USP24: variants seen among roughly 807,000 people sequenced by gnomAD.
USP24 encodes the protein ubiquitin specific peptidase 24.
Under a neutral mutation model 361.6 loss-of-function variants are expected in USP24, and 97 were observed. The observed-to-expected ratio is 0.27, with a 90% CI of 0.23 to 0.32. USP24 has a LOEUF of 0.32. USP24 is among the 10% of genes least tolerant of loss of function. The pLI, the probability that USP24 is intolerant of heterozygous loss-of-function variation, is 1.00. For synonymous variants in USP24, 1,098 were observed against 1,124.6 expected (o/e 0.98, Z 0.47); for missense variants, 2,353 against 3,165.6 (o/e 0.74, Z 6.16).
chr1:55,096,973 T>A lies in USP24; in HGVS notation c.5915A>T (p.Tyr1972Phe). The change falls in exon 49 of 68, where the codon TAT (tyrosine) becomes TTT (phenylalanine). Residue 1972 changes from tyrosine (Y) to phenylalanine (F), a missense_variant. Tyr to Phe is a conservative substitution (Grantham distance 22). Transcript: ENST00000294383. ...HSGQAHAGHY[Y>F]SFIKDRRGCG... is the part of the protein sequence containing the mutation. ...TTACCGCCTGTCCTTAATGAAGGAA[T>A]AGTAGTGGCCTGCGTGTGCCTGCCC... The A allele has an allele frequency of 6.2e-7, 1 of 1,613,760 alleles. No individual in the cohort carries two copies. The highest frequency in any genetic ancestry group is 8.5e-7 in the Non-Finnish European group (1 of 1,179,802).
chr1:55,156,237 T>C (rs771761984), intron 12 of USP24, among the ~76,000 whole-genome samples: 5 of 152,160 alleles, frequency 3.3e-5, no homozygotes, highest in African/African-American at 4.8e-5. Flanking sequence ...TATTTAGATA[T>C]ACTGCATTGG....
intron 63 of USP24, among the ~76,000 whole-genome samples, chr1:55,074,827 T>C (rs1165280): frequency 0.86 from 131,372 of 152,078 alleles, 56,842 homozygotes; most frequent in East Asian, 1. Context: ...CTTAAATCTT[T>C]TTTCTACAAC....
At chr1:55,185,460 A>C (rs898682087) in intron 1 of USP24, among the ~76,000 whole-genome samples, 1 of 152,020 alleles carries the variant, frequency 6.6e-6, no homozygotes, top group African/African-American at 2.4e-5. Context: ...TCTTTGAAAA[A>C]ATTTAAAAAA....
chr1:55,180,151 CAT>C (rs1218581966), intron 1 of USP24, among the ~76,000 whole-genome samples: 1 of 152,174 alleles, frequency 6.6e-6, no homozygotes, highest in Non-Finnish European at 1.5e-5. Context: ...TCTGGCCCCA[CAT>C]ACTCTTCCAG....
chr1:55,172,873 T>C (rs1475701), intron 3 of USP24, among the ~76,000 whole-genome samples: 8,986 of 152,256 alleles, frequency 0.059, 349 homozygotes, highest in African/African-American at 0.11. Context: ...CTGTGTGGCC[T>C]TGAACAAATT....
chr1:55,184,186 G>C (rs1234057514), intron 1 of USP24, among the ~76,000 whole-genome samples: 1 of 151,880 alleles, frequency 6.6e-6, no homozygotes, highest in South Asian at 2.1e-4. Context: ...CCTCCCAAGT[G>C]GCTGAGATTA....
chr1:55,157,127 A>T, intron 11 of USP24, 76 bp from the exon 12 acceptor site: 1 of 1,425,430 alleles, frequency 7.0e-7, no homozygotes, highest in Non-Finnish European at 9.8e-7. Flanking sequence ...ATTGATTCAA[A>T]ACAATAACTT....
chr1:55,081,366 G>A lies in USP24; in HGVS notation c.7034C>T (p.Ala2345Val), dbSNP rs777822562. The change falls in exon 59 of 68, where the codon GCG becomes GTG. Residue 2345 changes from alanine (A) to valine (V), a missense_variant. Coordinates refer to ENST00000294383, the MANE Select transcript of USP24 (RefSeq NM_015306.3). The stretch of plus-strand genomic sequence containing the variant: ...GACATCTGAATGCAAAACAAGTAAC[G>A]CCACTGTATTGTGAAGATTCCCAAA... ...REFGNLHNTV[A>V]LLVLHSDVSS... is the part of the protein sequence containing the mutation. 3.7e-6 allele frequency: 6 copies of A among 1,613,504 alleles called. No homozygotes were observed. Among genetic ancestry groups the A allele is most frequent in the African/African-American group, 1.3e-5 (1 of 74,864 alleles).
intron 42 of USP24, among the ~76,000 whole-genome samples, chr1:55,102,421 T>G (rs535852279): frequency 1.8e-4 from 28 of 152,274 alleles, no homozygotes; most frequent in Middle Eastern, 3.4e-3. Context: ...CTTCTTCAAG[T>G]GGAAAAGGAT....
At chr1:55,208,910 T>A (rs1388675997) in intron 1 of USP24, among the ~76,000 whole-genome samples, 1 of 152,048 alleles carries the variant, frequency 6.6e-6, no homozygotes, top group Middle Eastern at 3.2e-3. Context: ...CACTCCAGCC[T>A]GGGTGAAAGA....
At position 55,154,707 on chromosome 1, in the gene USP24, T is replaced by A. The variant is rs1320898901; in HGVS notation, c.1518A>T (p.Ser506=). 11 of 1,613,466 alleles carry A rather than the reference T, an allele frequency of 6.8e-6. No homozygotes were observed. The highest frequency in any genetic ancestry group is 8.5e-6 in the Non-Finnish European group (10 of 1,179,604). Residue 506 remains serine, a synonymous_variant, in exon 13 of 68, where the codon TCA becomes TCT. Transcript: ENST00000294383. ...IIAAAAVKFN[S]DQLNHLFVLI... ...GAACAAACAAATGATTAAGCTGATCTGAATTAAATTTCACAGCCGCTGCAG... is the reference window on the plus strand; with the variant it reads ...GAACAAACAAATGATTAAGCTGATCAGAATTAAATTTCACAGCCGCTGCAG...
intron 1 of USP24, among the ~76,000 whole-genome samples, chr1:55,199,380 A>T (rs1644503213): frequency 6.6e-6 from 1 of 152,224 alleles, no homozygotes; most frequent in South Asian, 2.1e-4. Context: ...TTTTTATAAA[A>T]GTCTATAGAG....
In USP24 at chr1:55,199,824, A is replaced by G. The variant is rs1176047620; in HGVS notation, c.324+14966T>C. 4.6e-5 allele frequency among the ~76,000 whole-genome samples: 7 copies of G among 152,206 alleles called. 1 individual carries two copies. Among genetic ancestry groups the G allele is most frequent in the Admixed American group, 4.6e-4 (7 of 15,286 alleles). On this transcript the variant is annotated intron_variant, in intron 1 of 67. Transcript: ENST00000294383. ...CCATTTTCATGCCACTGATAGAGACATACCCGAGACTGGACAATTTGCAAA... is the reference window on the plus strand; with the variant it reads ...CCATTTTCATGCCACTGATAGAGACGTACCCGAGACTGGACAATTTGCAAA...
At chr1:55,157,181 T>C (rs1647763896) in intron 11 of USP24, 75 bp downstream of exon 11, 12 of 1,363,980 alleles carry the variant, frequency 8.8e-6, no homozygotes, top group African/African-American at 1.5e-5. Flanking sequence ...AGCAACAATT[T>C]TGTATACTTT....
At chr1:55,099,193 G>A (rs1458248093) in intron 45 of USP24, among the ~76,000 whole-genome samples, 3 of 152,194 alleles carry the variant, frequency 2.0e-5, no homozygotes, top group Admixed American at 2.0e-4. Context: ...ATGTAGGTAG[G>A]AATGGTTATT....
chr1:55,143,374 C>T (rs1317743649), intron 21 of USP24, among the ~76,000 whole-genome samples: 1 of 152,182 alleles, frequency 6.6e-6, no homozygotes, highest in African/African-American at 2.4e-5. Context: ...CATCCCTAGA[C>T]CCAAACTGGA....
At position 55,143,071 on chromosome 1, in the gene USP24, C is replaced by T; in HGVS notation, c.2488G>A (p.Ala830Thr). Residue 830 changes from alanine (A) to threonine (T), a missense_variant, in exon 22 of 68, where the codon GCC becomes ACC. Ala to Thr is a moderately conservative substitution (Grantham distance 58, BLOSUM62 0). Around this residue, in one of 8 missense-constraint regions of USP24, gnomAD observed 949 missense variants for 1,280.5 expected, o/e 0.74. Coordinates refer to ENST00000294383, the MANE Select transcript of USP24 (RefSeq NM_015306.3). ...ATTTCTTCATCAGGTGATTCCATGG[C>T]TATTTTCCAAATGAAATCCATTCCT... ...LIGMDFIWKIAMESPDEEIAN... is the reference protein window; with the variant it reads ...LIGMDFIWKITMESPDEEIAN... 6.5e-7 allele frequency: 1 copy of T among 1,531,554 alleles called. No homozygotes were observed. Among genetic ancestry groups the T allele is most frequent in the Admixed American group, 2.2e-5 (1 of 45,678 alleles). The allele number at this position is 1,531,554 out of a possible 1,614,324, so 94.9% of individuals were successfully genotyped here. A position where few individuals can be genotyped will look rare whatever the true frequency, so the allele number is the denominator to read the frequency against.
chr1:55,180,801 T>C (rs1643942886), intron 1 of USP24, among the ~76,000 whole-genome samples: 1 of 152,216 alleles, frequency 6.6e-6, no homozygotes. Context: ...ATCTGTGATT[T>C]GTTTGCCCCT....
chr1:55,133,505 G>T (rs921332111), intron 30 of USP24, among the ~76,000 whole-genome samples: 1 of 152,240 alleles, frequency 6.6e-6, no homozygotes, highest in East Asian at 1.9e-4. Flanking sequence ...AACATGAGGA[G>T]GTGGAAAGGT....
Sources: gnomAD v4.1 joint callset for allele counts (sites outside exome capture counted in the v4.1 genomes callset) on GRCh38, gnomAD v4.1.1 for gene constraint, gnomAD v4.1.1 regional missense constraint, MANE v1.5 for transcripts, NCBI Gene and HGNC (gene_info 2026-07-23, HGNC 2026-07-21) for gene names.